The following LRCH3 variants were observed in gnomAD, a reference collection of about 807,000 sequenced individuals.
LRCH3 encodes leucine rich repeats and calponin homology domain containing 3.
LRCH3 carries 68 observed loss-of-function variants against 104.5 expected under a neutral mutation model. That is an observed-to-expected ratio of 0.65 (90% CI 0.54 to 0.80). The LOEUF (loss-of-function observed/expected upper bound fraction) is 0.80, where lower values mean the gene tolerates loss of function less well. Among genes scored for constraint, LRCH3 ranks in the 30% least tolerant of loss-of-function variants. The probability of loss-of-function intolerance (pLI) is 0.00; values close to 1 mark genes in which losing one functional copy is unlikely to be tolerated. For missense variants in LRCH3, 951 were observed against 953.9 expected, an observed-to-expected ratio of 1.00 and a Z score of 0.04; for synonymous variants, 344 against 361.3, an observed-to-expected ratio of 0.95 and a Z score of 0.54.
rs58237989 is a variant in LRCH3, at chr3:197,825,464, A to ATTTTTTTTTTTT, written c.641-1392_641-1381dup. ...TAGACCTCTTTGTTGATCCTCTTTGATTTTTTTTTTTTTTTTTTTTTTTTT... is the reference window on the plus strand; with the variant it reads ...TAGACCTCTTTGTTGATCCTCTTTGATTTTTTTTTTTTTTTTTTTTTTTTTTTTTTTTTTTTT... On this transcript the variant is annotated intron_variant, in intron 4 of 20. Transcript: ENST00000425562. 3.0e-4 allele frequency among the ~76,000 whole-genome samples: 6 copies of ATTTTTTTTTTTT among 20,068 alleles called. 3 individuals are homozygous for ATTTTTTTTTTTT. Among genetic ancestry groups the ATTTTTTTTTTTT allele is most frequent in the African/African-American group, 7.4e-4 (4 of 5,430 alleles). 13.2% of individuals were successfully genotyped at this position (20,068 alleles called of 152,430 possible). A position where few individuals can be genotyped will look rare whatever the true frequency, so the allele number is the denominator to read the frequency against.
At chr3:197,863,579 G>A (rs937045219) in intron 15 of LRCH3, among the ~76,000 whole-genome samples, 1 of 152,058 alleles carries the variant, frequency 6.6e-6, no homozygotes, top group Non-Finnish European at 1.5e-5. Flanking sequence ...TTTCTTAACT[G>A]TACTCCCCTG....
At position 197,856,638 on chromosome 3, in the gene LRCH3, C is replaced by T. The variant is rs1056633460; in HGVS notation, c.1644+2193C>T. On this transcript the variant is annotated intron_variant, in intron 14 of 20. Coordinates refer to ENST00000425562, the MANE Select transcript of LRCH3 (RefSeq NM_001365715.1). This position sits in a 1 kb window ranked among gnomAD's most constrained non-coding sequence, Gnocchi z 4.2. Reference sequence around the variant, plus strand: ...CAGGGCTCAAGCAATCCTCCTGCCCCAGCCTCCCAAAGTGCTGAGATTACA... The same window carrying T: ...CAGGGCTCAAGCAATCCTCCTGCCCTAGCCTCCCAAAGTGCTGAGATTACA... Among the ~76,000 whole-genome samples the T allele has an allele frequency of 3.3e-5, 5 of 152,126 alleles. No individual in the cohort carries two copies. Among genetic ancestry groups the T allele is most frequent in the Non-Finnish European group, 7.4e-5 (5 of 67,992 alleles).
At chr3:197,881,206 A>G in intron 20 of LRCH3, 1 of 1,005,266 alleles carries the variant, frequency 9.9e-7, no homozygotes, top group Non-Finnish European at 1.2e-6. Flanking sequence ...GGTTACTTAG[A>G]TTTCTGCTTT....
In LRCH3 at chr3:197,887,200, T is replaced by C. The variant is rs1714266085; in HGVS notation, c.*3534T>C. The C allele has an allele frequency of 6.6e-6, 1 of 152,210 alleles. No individual in the cohort carries two copies. Among genetic ancestry groups the C allele is most frequent in the South Asian group, 2.1e-4 (1 of 4,838 alleles). The allele number at this position is 152,210 out of a possible 1,614,324, so 9.4% of individuals were successfully genotyped here. On this transcript the variant is annotated 3_prime_UTR_variant, in exon 21 of 21. Transcript: ENST00000425562. ...GAGAATTTTTGTATTCAGTATTTTG[T>C]ATGTACCTTTTTTTTTTTAAATTGG...
At chr3:197,792,321 C>T (rs571076536) in intron 1 of LRCH3, among the ~76,000 whole-genome samples, 63 of 151,722 alleles carry the variant, frequency 4.2e-4, no homozygotes, top group African/African-American at 1.5e-3. Flanking sequence ...CATATTTGTA[C>T]TTGCTATTCC....
chr3:197,853,840 A>G (rs774491369), intron 13 of LRCH3, among the ~76,000 whole-genome samples: 3 of 152,110 alleles, frequency 2.0e-5, no homozygotes. Flanking sequence ...ATACTAACAC[A>G]TTTTCGACAA....
intron 20 of LRCH3, among the ~76,000 whole-genome samples, chr3:197,877,658 C>T (rs1479625843): frequency 1.3e-5 from 2 of 152,206 alleles, no homozygotes; most frequent in Non-Finnish European, 2.9e-5. Context: ...AAAGAGAGAG[C>T]GCCCAGCTCC....
chr3:197,807,463 C>T (rs777561344), intron 1 of LRCH3, among the ~76,000 whole-genome samples: 3 of 152,100 alleles, frequency 2.0e-5, no homozygotes, highest in Non-Finnish European at 4.4e-5. Context: ...CCCTGTGATC[C>T]GCCCGCCTTG....
chr3:197,825,714 C>T (rs974922119), intron 4 of LRCH3, among the ~76,000 whole-genome samples: 27 of 151,908 alleles, frequency 1.8e-4, no homozygotes, highest in African/African-American at 4.6e-4. Context: ...CTCCTGACCT[C>T]GTGATCCGCC....
rs550532802 is a variant in LRCH3 at position 197,796,294 on chromosome 3, A to C, written c.262+4754A>C. ...GGTGGAAGGATTGTTTGAATTGTGC[A>C]ATAATAGCACAACTACTATGTTTTA... On this transcript the variant is annotated intron_variant, in intron 1 of 20. Coordinates refer to ENST00000425562, the MANE Select transcript of LRCH3 (RefSeq NM_001365715.1). Among the ~76,000 whole-genome samples the C allele has an allele frequency of 9.8e-5, 15 of 152,328 alleles. No individual in the cohort carries two copies. The South Asian group carries it at 3.1e-3, about 32-fold the overall frequency.
In LRCH3 at chr3:197,854,540, A is replaced by T; in HGVS notation, c.1644+95A>T. The T allele has an allele frequency of 1.8e-6, 2 of 1,141,208 alleles. No individual in the cohort carries two copies. The highest frequency in any genetic ancestry group is 1.2e-5 in the South Asian group (1 of 81,034). 70.7% of individuals were successfully genotyped at this position (1,141,208 alleles called of 1,614,324 possible). A position where few individuals can be genotyped will look rare whatever the true frequency, so the allele number is the denominator to read the frequency against. ...ATCTAAATACCATAAAACATGATGA[A>T]CATCATTACTAAATGCTTTATGAAG... is the stretch of plus-strand genomic sequence containing the variant. On this transcript the variant is annotated intron_variant, in intron 14 of 20. Transcript: ENST00000425562. This position sits in a 1 kb window ranked among gnomAD's most constrained non-coding sequence, Gnocchi z 4.5.
intron 1 of LRCH3, among the ~76,000 whole-genome samples, chr3:197,803,511 C>T (rs148431141): frequency 2.0e-5 from 3 of 152,206 alleles, no homozygotes; most frequent in African/African-American, 7.2e-5. Flanking sequence ...TTAGAATTTG[C>T]TACTTTAGCC....
intron 18 of LRCH3, 91 bp from the exon 19 acceptor site, chr3:197,871,234 T>C (rs1712147611): frequency 9.4e-7 from 1 of 1,064,276 alleles, no homozygotes; most frequent in Non-Finnish European, 1.4e-6. Context: ...CTTTTTATCT[T>C]GATTTTTAAT....
At chr3:197,791,808 G>A (rs544384235) in intron 1 of LRCH3, among the ~76,000 whole-genome samples, 3 of 152,284 alleles carry the variant, frequency 2.0e-5, no homozygotes, top group Admixed American at 2.0e-4. Context: ...AGGAAAATCA[G>A]TTTCTGCCAC....
At position 197,857,735 on chromosome 3, in the gene LRCH3, C is replaced by A. The variant is rs541547278; in HGVS notation, c.1645-1099C>A. 2.6e-5 allele frequency among the ~76,000 whole-genome samples: 4 copies of A among 152,350 alleles called. No homozygotes were observed. In the South Asian group the frequency reaches 6.2e-4, roughly 24 times the overall value. On this transcript the variant is annotated intron_variant, in intron 14 of 20. Coordinates refer to ENST00000425562, the MANE Select transcript of LRCH3 (RefSeq NM_001365715.1). ...AAAAAGCAGGCCCAGGAAATCTAAA[C>A]CCCAGAAGTATACACAGTGTATTAC...
chr3:197,830,561 C>G, intron 6 of LRCH3: 1 of 455,526 alleles, frequency 2.2e-6, no homozygotes, highest in Non-Finnish European at 4.0e-6. Flanking sequence ...TGTTTTGAAG[C>G]TGGATAATAA....
chr3:197,883,473 C>A lies in LRCH3; in HGVS notation c.2209-68C>A. On this transcript the variant is annotated intron_variant, in intron 20 of 20. Transcript: ENST00000425562. The surrounding 1 kb of genome is among the most constrained non-coding windows in gnomAD (Gnocchi z 4.2). ...GAAGGGGAGAAGTGCTTATTTTTTC[C>A]TTTCAGTTCTATGATATTCATCCGA... 1 of 1,475,588 alleles carries A rather than the reference C, an allele frequency of 6.8e-7. No homozygotes were observed. Among genetic ancestry groups the A allele is most frequent in the Non-Finnish European group, 9.0e-7 (1 of 1,113,464 alleles). The allele number at this position is 1,475,588 out of a possible 1,614,324, so 91.4% of individuals were successfully genotyped here. A position where few individuals can be genotyped will look rare whatever the true frequency, so the allele number is the denominator to read the frequency against.
intron 1 of LRCH3, among the ~76,000 whole-genome samples, chr3:197,798,858 C>A (rs1731562728): frequency 6.6e-6 from 1 of 152,182 alleles, no homozygotes; most frequent in South Asian, 2.1e-4. Context: ...AAACTTGGTT[C>A]TTCATTTGCA....
chr3:197,837,042 C>A (rs1225556819), intron 9 of LRCH3, among the ~76,000 whole-genome samples: 1 of 151,938 alleles, frequency 6.6e-6, no homozygotes, highest in Non-Finnish European at 1.5e-5. Flanking sequence ...CTTTTGAACA[C>A]CGTATTTTTT....
Sources: allele counts gnomAD v4.1 joint callset (sites outside exome capture counted in the v4.1 genomes callset), GRCh38; gene constraint gnomAD v4.1.1; non-coding constraint Gnocchi (gnomAD v3.1); transcripts MANE v1.5; gene names NCBI Gene and HGNC (gene_info 2026-07-23, HGNC 2026-07-21).